Variants in RGSL1 observed in about 807,000 individuals in gnomAD.
RGSL1 encodes regulator of G protein signaling like 1, also known as regulator of G protein signaling protein-like.
RGSL1 carries 97 observed loss-of-function variants against 124.7 expected under a neutral mutation model. The observed-to-expected ratio is 0.78, with a 90% confidence interval of 0.66 to 0.92. The LOEUF (loss-of-function observed/expected upper bound fraction) is 0.92, where lower values mean the gene tolerates loss of function less well. RGSL1 is among the 40% of genes least tolerant of loss of function. RGSL1 has a pLI of 0.00. For missense variants in RGSL1, 1,233 were observed against 1,288.4 expected (o/e 0.96, Z 0.66); for synonymous variants, 424 against 438.1 (o/e 0.97, Z 0.40).
At chr1:182,559,090 ATTC>A (rs1302016354) in intron 21 of RGSL1, among the ~76,000 whole-genome samples, 1 of 151,888 alleles carries the variant, frequency 6.6e-6, no homozygotes, top group African/African-American at 2.4e-5. Context: ...ATTCTTTCTG[ATTC>A]TTCTTCACAT....
intron 5 of RGSL1, 102 bp from the exon 6 acceptor site, chr1:182,473,473 T>C: frequency 1.6e-6 from 2 of 1,256,252 alleles, no homozygotes; most frequent in Non-Finnish European, 2.1e-6. Flanking sequence ...AATAAAATGC[T>C]ATATACAAAG....
intron 4 of RGSL1, among the ~76,000 whole-genome samples, chr1:182,466,297 T>C (rs1653324309): frequency 6.6e-6 from 1 of 152,030 alleles, no homozygotes. Flanking sequence ...CACACCATAC[T>C]GGAAACTCTC....
chr1:182,508,453 C>A (rs1657015261), intron 9 of RGSL1, among the ~76,000 whole-genome samples: 1 of 151,566 alleles, frequency 6.6e-6, no homozygotes, highest in Non-Finnish European at 1.5e-5. Flanking sequence ...GTGCCTGCCA[C>A]CACACCCAGC....
intron 8 of RGSL1, among the ~76,000 whole-genome samples, chr1:182,489,883 A>G (rs1016485119): frequency 2.6e-5 from 4 of 152,208 alleles, no homozygotes; most frequent in Non-Finnish European, 4.4e-5. Context: ...TAAGAGTTCA[A>G]TACTGTAAAT....
At chr1:182,501,165 T>C (rs1448057736) in intron 9 of RGSL1, among the ~76,000 whole-genome samples, 6 of 152,228 alleles carry the variant, frequency 3.9e-5, no homozygotes, top group Non-Finnish European at 5.9e-5. Context: ...CTTCTATTTC[T>C]AGTTTGTTGG....
intron 2 of RGSL1, among the ~76,000 whole-genome samples, chr1:182,456,303 T>C (rs901211926): frequency 2.0e-5 from 3 of 151,790 alleles, no homozygotes; most frequent in Non-Finnish European, 4.4e-5. Context: ...AGTAATCTTT[T>C]TTTTTTTTTT....
chr1:182,470,003 G>T (rs2102026514), intron 4 of RGSL1, among the ~76,000 whole-genome samples: 1 of 152,152 alleles, frequency 6.6e-6, no homozygotes, highest in African/African-American at 2.4e-5. Flanking sequence ...GGAGCTGGGA[G>T]GAGGGGGGAA....
intron 14 of RGSL1, among the ~76,000 whole-genome samples, chr1:182,538,143 T>C (rs1323408406): frequency 3.3e-5 from 5 of 152,192 alleles, no homozygotes; most frequent in Non-Finnish European, 7.3e-5. Context: ...TGTTTCAATA[T>C]ATTTTGTCTG....
chr1:182,476,601 A>G (rs1036831327), intron 6 of RGSL1, among the ~76,000 whole-genome samples: 7 of 152,226 alleles, frequency 4.6e-5, no homozygotes, highest in East Asian at 1.9e-4. Flanking sequence ...TGCCAACCAC[A>G]GTGATTCTGT....
intron 4 of RGSL1, among the ~76,000 whole-genome samples, chr1:182,463,501 G>A (rs1653022568): frequency 6.6e-6 from 1 of 151,984 alleles, no homozygotes; most frequent in African/African-American, 2.4e-5. Context: ...GAAAGCAGGG[G>A]TGCCTATAAT....
chr1:182,526,056 A>G (rs937985487), intron 10 of RGSL1, among the ~76,000 whole-genome samples: 1 of 152,194 alleles, frequency 6.6e-6, no homozygotes, highest in African/African-American at 2.4e-5. Flanking sequence ...AGAAAATGTG[A>G]ATAAATCTAT....
chr1:182,542,085 T>G (rs1258008417), intron 15 of RGSL1, among the ~76,000 whole-genome samples: 1 of 152,166 alleles, frequency 6.6e-6, no homozygotes, highest in African/African-American at 2.4e-5. Context: ...TAGCTTGATG[T>G]GATCCATTTG....
intron 15 of RGSL1, among the ~76,000 whole-genome samples, chr1:182,545,439 C>G (rs1436338133): frequency 6.6e-6 from 1 of 152,138 alleles, no homozygotes; most frequent in Non-Finnish European, 1.5e-5. Context: ...GTGAATTGCA[C>G]ACCACAATTA....
chr1:182,529,728 G>A (rs1251461708), intron 11 of RGSL1, among the ~76,000 whole-genome samples: 1 of 152,074 alleles, frequency 6.6e-6, no homozygotes, highest in African/African-American at 2.4e-5. Context: ...TGAATCTCAG[G>A]ATGTTGAGAT....
chr1:182,470,818 A>G (rs1571504487), intron 4 of RGSL1, among the ~76,000 whole-genome samples: 1 of 152,180 alleles, frequency 6.6e-6, no homozygotes, highest in East Asian at 1.9e-4. Flanking sequence ...TTTCATCTAA[A>G]GTTGAATTAG....
chr1:182,450,205 A>AGGCCTTGAG, intron 1 of RGSL1, 27 bp downstream of exon 1: 1 of 1,551,926 alleles, frequency 6.4e-7, no homozygotes, highest in Non-Finnish European at 8.7e-7. Context: ...GATGTCTCCA[A>AGGCCTTGAG]GGCCTTGAGT....
At chr1:182,533,213 T>C (rs1360094515) in intron 14 of RGSL1, among the ~76,000 whole-genome samples, 2 of 142,616 alleles carry the variant, frequency 1.4e-5, no homozygotes, top group African/African-American at 2.8e-5. Flanking sequence ...TAAACCTACC[T>C]CCTAATTATT....
intron 11 of RGSL1, among the ~76,000 whole-genome samples, chr1:182,529,542 C>T (rs1659010428): frequency 6.6e-6 from 1 of 152,022 alleles, no homozygotes; most frequent in African/African-American, 2.4e-5. Context: ...GCAGAAGTTG[C>T]AAATAATGCA....
intron 6 of RGSL1, among the ~76,000 whole-genome samples, chr1:182,485,663 C>T (rs1272791734): frequency 6.6e-6 from 1 of 152,188 alleles, no homozygotes; most frequent in African/African-American, 2.4e-5. Context: ...TCAGGTCTCA[C>T]TGCTATTTAC....
Sources: gnomAD v4.1 joint callset for allele counts (sites outside exome capture counted in the v4.1 genomes callset) on GRCh38, gnomAD v4.1.1 for gene constraint, MANE v1.5 for transcripts, NCBI Gene and HGNC (gene_info 2026-07-23, HGNC 2026-07-21) for gene names.